B3GALT5: variants seen among roughly 807,000 people sequenced by gnomAD.
B3GALT5 encodes beta-1,3-galactosyltransferase 5, also known as UDP-Gal:betaGlcNAc beta 1,3-galactosyltransferase, polypeptide 5.
For missense variants in B3GALT5, 328 were observed against 396.6 expected (o/e 0.83, Z 1.47); for synonymous variants, 156 against 158.6 (o/e 0.98, Z 0.12).
chr21:39,648,196 G>T (rs1256553912), intron 2 of B3GALT5, among the ~76,000 whole-genome samples: 3 of 152,142 alleles, frequency 2.0e-5, no homozygotes, highest in African/African-American at 7.2e-5. Context: ...TGTTATTTGG[G>T]TTATTAATCA....
At chr21:39,617,596 G>C (rs1044685632) in intron 1 of B3GALT5, among the ~76,000 whole-genome samples, 2 of 152,138 alleles carry the variant, frequency 1.3e-5, no homozygotes, top group African/African-American at 4.8e-5. Context: ...TCCCTCCCTC[G>C]ACACTTGAGG....
intron 1 of B3GALT5, among the ~76,000 whole-genome samples, chr21:39,639,426 TTC>T (rs2079268371): frequency 8.4e-6 from 1 of 118,520 alleles, no homozygotes; most frequent in Non-Finnish European, 1.8e-5. Context: ...CTTTCTTTCT[TTC>T]TTTCTTTCTT....
At chr21:39,618,413 C>T (rs1487667156) in intron 1 of B3GALT5, among the ~76,000 whole-genome samples, 1 of 152,126 alleles carries the variant, frequency 6.6e-6, no homozygotes, top group African/African-American at 2.4e-5. Context: ...CATACTATAC[C>T]TCTAACTCAG....
chr21:39,659,056 C>T (rs1489924380), intron 2 of B3GALT5, among the ~76,000 whole-genome samples: 2 of 152,048 alleles, frequency 1.3e-5, no homozygotes, highest in African/African-American at 4.8e-5. Context: ...GCCTGGGCAA[C>T]ATAGTGAAAC....
chr21:39,657,899 G>A (rs758255223), intron 2 of B3GALT5: 3 of 1,231,584 alleles, frequency 2.4e-6, no homozygotes, highest in Non-Finnish European at 3.0e-6. Flanking sequence ...TGGAGGTAGG[G>A]CTTCTGTAGC....
At chr21:39,652,436 G>A (rs2079404905) in intron 2 of B3GALT5, among the ~76,000 whole-genome samples, 1 of 152,260 alleles carries the variant, frequency 6.6e-6, no homozygotes, top group South Asian at 2.1e-4. Context: ...GAGGCAGGCA[G>A]TGTTATTGCC....
chr21:39,631,448 G>A (rs2079191629), intron 1 of B3GALT5, among the ~76,000 whole-genome samples: 2 of 152,162 alleles, frequency 1.3e-5, no homozygotes, highest in African/African-American at 4.8e-5. Flanking sequence ...TATTGTATTA[G>A]GGGCCCAGCC....
rs530484575 is a variant in B3GALT5, at chr21:39,663,615, A to C, written c.*2123A>C. ...TCAGCCAGTGGGTAGTTGGGATTACAGGTGTGTATTTCTTTATACAATGAA... is the reference window on the plus strand; with the variant it reads ...TCAGCCAGTGGGTAGTTGGGATTACCGGTGTGTATTTCTTTATACAATGAA... On this transcript the variant is annotated 3_prime_UTR_variant, in exon 4 of 4. Transcript: ENST00000684187. 1.8e-4 allele frequency: 28 copies of C among 152,228 alleles called. 1 individual carries two copies. In the South Asian group the frequency reaches 5.8e-3, roughly 32 times the overall value. 9.4% of individuals were successfully genotyped at this position (152,228 alleles called of 1,614,324 possible).
chr21:39,667,621 C>T lies in B3GALT5; in HGVS notation c.*6129C>T, dbSNP rs1027456970. ...TGTGCACCTGTAGAAACTGTACTGA[C>T]GTACAGCCTTGCAGAGCCTCCAGCT... On this transcript the variant is annotated 3_prime_UTR_variant, in exon 4 of 4. Coordinates refer to ENST00000684187, the MANE Select transcript of B3GALT5 (RefSeq NM_001356336.2). 2 of 152,196 alleles carry T rather than the reference C, an allele frequency of 1.3e-5. No individual in the cohort carries two copies. Among genetic ancestry groups the T allele is most frequent in the African/African-American group, 4.8e-5 (2 of 41,446 alleles). The allele number at this position is 152,196 out of a possible 1,614,324, so 9.4% of individuals were successfully genotyped here.
At chr21:39,657,751 A>C (rs776151659) in intron 2 of B3GALT5, 1 of 784,346 alleles carries the variant, frequency 1.3e-6, no homozygotes, top group African/African-American at 1.8e-5. Context: ...CAATCTTTCT[A>C]TCTATCCATA....
In B3GALT5 at chr21:39,661,352, A is replaced by C; in HGVS notation, c.793A>C (p.Thr265Pro). The C allele has an allele frequency of 6.2e-7, 1 of 1,611,238 alleles. No homozygotes were observed. The highest frequency in any genetic ancestry group is 8.5e-7 in the Non-Finnish European group (1 of 1,178,866). The change falls in exon 4 of 4, where the codon ACC becomes CCC. Residue 265 changes from threonine (T) to proline (P), a missense_variant. Thr to Pro is a conservative substitution (Grantham distance 38). Transcript: ENST00000684187. The surrounding 1 kb of genome is among the most constrained non-coding windows in gnomAD (Gnocchi z 4.7). ...IRLEELHSQP[T>P]FFPGGLRFSV... ...ATTGGAGGAGCTCCACTCCCAGCCG[A>C]CCTTTTTTCCAGGGGGCTTACGCTT...
intron 1 of B3GALT5, among the ~76,000 whole-genome samples, chr21:39,621,548 G>A (rs538715512): frequency 6.6e-6 from 1 of 151,898 alleles, no homozygotes; most frequent in African/African-American, 2.4e-5. Context: ...TTGCATCGTA[G>A]AGTGGAGGCA....
At chr21:39,628,896 G>GA (rs1278268249) in intron 1 of B3GALT5, among the ~76,000 whole-genome samples, 3 of 152,184 alleles carry the variant, frequency 2.0e-5, no homozygotes, top group Non-Finnish European at 4.4e-5. Context: ...TATTTTTAGA[G>GA]AAAATCAAGT....
intron 2 of B3GALT5, among the ~76,000 whole-genome samples, chr21:39,647,214 A>G (rs934658483): frequency 1.3e-5 from 2 of 152,238 alleles, no homozygotes; most frequent in Non-Finnish European, 2.9e-5. Flanking sequence ...TTGCCAGCCA[A>G]CTGAAGGAGT....
intron 2 of B3GALT5, among the ~76,000 whole-genome samples, chr21:39,646,865 CGGAG>C (rs985290162): frequency 6.6e-6 from 1 of 151,962 alleles, no homozygotes; most frequent in African/African-American, 2.4e-5. Flanking sequence ...CTTTGGGAGA[CGGAG>C]GTAGGTGGAT....
At chr21:39,620,576 C>T (rs2079129274) in intron 1 of B3GALT5, among the ~76,000 whole-genome samples, 1 of 152,154 alleles carries the variant, frequency 6.6e-6, no homozygotes, top group East Asian at 1.9e-4. Context: ...GTGGCTTTCC[C>T]TGGCCAATGA....
intron 1 of B3GALT5, among the ~76,000 whole-genome samples, chr21:39,640,741 T>C (rs2079283406): frequency 6.6e-6 from 1 of 151,828 alleles, no homozygotes. Flanking sequence ...CTTTCCAACC[T>C]GGATGCTTTT....
Position 39,639,456 on chromosome 21 carries a change from T to TTTC in B3GALT5, c.-391-6934_-391-6933insCTT, listed in dbSNP as rs1569212601. Among the ~76,000 whole-genome samples the TTTC allele has an allele frequency of 6.3e-4, 49 of 77,570 alleles. 3 individuals are homozygous for TTTC. The highest frequency in any genetic ancestry group is 2.3e-3 in the African/African-American group (42 of 18,250). The allele number at this position is 77,570 out of a possible 152,430, so 50.9% of individuals were successfully genotyped here. On this transcript the variant is annotated intron_variant, in intron 1 of 3. Coordinates refer to ENST00000684187, the MANE Select transcript of B3GALT5 (RefSeq NM_001356336.2). ...TCTTTCTTTCTTTCTTTCTTTCTTT[T>TTTC]TTTCTTTCTCTCTCTCTCTCTCTTT... is the stretch of plus-strand genomic sequence containing the variant.
intron 1 of B3GALT5, among the ~76,000 whole-genome samples, chr21:39,628,907 C>A (rs1015606332): frequency 1.3e-5 from 2 of 152,204 alleles, no homozygotes; most frequent in African/African-American, 4.8e-5. Flanking sequence ...AAAATCAAGT[C>A]TTAAGAGGTT....
Sources: allele counts gnomAD v4.1 joint callset (sites outside exome capture counted in the v4.1 genomes callset), GRCh38; gene constraint gnomAD v4.1.1; non-coding constraint Gnocchi (gnomAD v3.1); transcripts MANE v1.5; gene names NCBI Gene and HGNC (gene_info 2026-07-23, HGNC 2026-07-21).